ZNF668: variants seen among roughly 807,000 people sequenced by gnomAD.
ZNF668 encodes zinc finger protein 668.
A neutral mutation model predicts 40.3 loss-of-function variants in ZNF668; 10 were observed. The observed-to-expected ratio is 0.25, with a 90% CI of 0.15 to 0.42. The LOEUF is 0.42. ZNF668 is among the 10% of genes least tolerant of loss of function. The pLI is 1.00. For missense variants in ZNF668, 749 were observed against 904.6 expected (o/e 0.83, Z 2.21); for synonymous variants, 428 against 384.6 (o/e 1.11, Z -1.32).
At position 31,060,885 on chromosome 16, in the gene ZNF668, G is replaced by T; in HGVS notation, c.*183C>A. 1 of 636,196 alleles carries T rather than the reference G, an allele frequency of 1.6e-6. No homozygotes were observed. The highest frequency in any genetic ancestry group is 2.4e-6 in the Non-Finnish European group (1 of 422,394). The allele number at this position is 636,196 out of a possible 1,614,324, so 39.4% of individuals were successfully genotyped here. On this transcript the variant is annotated 3_prime_UTR_variant, in exon 3 of 3. Coordinates refer to ENST00000300849, the MANE Select transcript of ZNF668 (RefSeq NM_024706.5). ...AAAGCTTTAATGAGTGTTACTCCTA[G>T]ACAGTCACGTCTCAGCTTCTGCCAG...
intron 1 of ZNF668, 27 bp downstream of exon 1, chr16:31,073,632 T>C (rs1239981248): frequency 6.6e-6 from 1 of 152,156 alleles, no homozygotes; most frequent in African/African-American, 2.4e-5. Context: ...CCCGGGGCCC[T>C]CGCGGCTTCC....
chr16:31,070,999 T>A (rs1051273174), intron 1 of ZNF668, among the ~76,000 whole-genome samples: 18 of 150,320 alleles, frequency 1.2e-4, no homozygotes, highest in Non-Finnish European at 2.1e-4. Flanking sequence ...GTATTTGGGA[T>A]TACAGGTGCC....
intron 2 of ZNF668, among the ~76,000 whole-genome samples, chr16:31,063,009 G>T (rs1451676290): frequency 1.3e-5 from 2 of 152,076 alleles, no homozygotes; most frequent in Non-Finnish European, 2.9e-5. Flanking sequence ...CAGGAGAATC[G>T]CTTGAACCCG....
intron 1 of ZNF668, among the ~76,000 whole-genome samples, chr16:31,071,147 T>C (rs2057013830): frequency 6.6e-6 from 1 of 151,528 alleles, no homozygotes; most frequent in Non-Finnish European, 1.5e-5. Flanking sequence ...TGAGCCACCA[T>C]GCCCGGCCTA....
At chr16:31,070,021 G>A (rs1025329485) in intron 1 of ZNF668, among the ~76,000 whole-genome samples, 2 of 152,140 alleles carry the variant, frequency 1.3e-5, no homozygotes, top group African/African-American at 4.8e-5. Context: ...TGATCCACCT[G>A]CCTCGGCCTC....
intron 1 of ZNF668, among the ~76,000 whole-genome samples, chr16:31,071,235 C>T (rs1218924834): frequency 6.6e-6 from 1 of 151,716 alleles, no homozygotes; most frequent in Non-Finnish European, 1.5e-5. Flanking sequence ...GGCTGCATCT[C>T]AGCTCACTGC....
At chr16:31,071,159 T>C (rs1176839866) in intron 1 of ZNF668, among the ~76,000 whole-genome samples, 3 of 145,934 alleles carry the variant, frequency 2.1e-5, no homozygotes, top group Non-Finnish European at 4.5e-5. Context: ...CCCGGCCTAT[T>C]TATTTCATTT....
Position 31,068,220 on chromosome 16 carries a change from T to TAAAAAAAA in ZNF668, c.-22-3747_-22-3740dup, listed in dbSNP as rs767511878. ...AGGTCTCTGTCTAACATCCCACCAT[T>TAAAAAAAA]AAAAAAAAAAAAAAAAAAAATATAT... On this transcript the variant is annotated intron_variant, in intron 1 of 2. Coordinates refer to ENST00000300849, the MANE Select transcript of ZNF668 (RefSeq NM_024706.5). Among the ~76,000 whole-genome samples, 34 of 9,376 alleles carry TAAAAAAAA rather than the reference T, an allele frequency of 3.6e-3. 7 individuals are homozygous for TAAAAAAAA. Among genetic ancestry groups the TAAAAAAAA allele is most frequent in the East Asian group, 0.013 (4 of 310 alleles). 6.2% of individuals were successfully genotyped at this position (9,376 alleles called of 152,430 possible).
chr16:31,073,090 A>G (rs1220541896), intron 1 of ZNF668: 1 of 131,172 alleles, frequency 7.6e-6, no homozygotes, highest in African/African-American at 2.7e-5. Context: ...CGCTCCTCGC[A>G]ACCGTCTGTA....
chr16:31,072,085 G>C (rs2057019055), intron 1 of ZNF668, among the ~76,000 whole-genome samples: 1 of 152,168 alleles, frequency 6.6e-6, no homozygotes, highest in Non-Finnish European at 1.5e-5. Context: ...TACTAGTCAC[G>C]GTCCCAGCCA....
chr16:31,068,521 C>CTT (rs11311964), intron 1 of ZNF668, among the ~76,000 whole-genome samples: 2 of 140,920 alleles, frequency 1.4e-5, no homozygotes, highest in Admixed American at 7.1e-5. Context: ...CACGCCCAGA[C>CTT]TTTTTTTTTT....
In ZNF668 at chr16:31,061,657, G is replaced by C. The variant is rs770895382; in HGVS notation, c.1271C>G (p.Pro424Arg). ...CAACCCCACCACCAGCTCCTGTGCA[G>C]GGGGCACACCCGCGGCCTCACTGCT... ...HRSSEAAGVP[P>R]AQELVVGLAL... Residue 424 changes from proline to arginine, a missense_variant, in exon 3 of 3, where the codon CCT becomes CGT. Pro to Arg is a moderately radical substitution (Grantham distance 103, BLOSUM62 -2). Transcript: ENST00000300849. This position sits in a 1 kb window ranked among gnomAD's most constrained non-coding sequence, Gnocchi z 7.7. The C allele has an allele frequency of 1.9e-6, 3 of 1,612,926 alleles. No homozygotes were observed. Among genetic ancestry groups the C allele is most frequent in the Non-Finnish European group, 2.5e-6 (3 of 1,179,898 alleles).
At chr16:31,063,781 G>A (rs775485093) in intron 2 of ZNF668, 32 bp downstream of exon 2, 52 of 1,510,290 alleles carry the variant, frequency 3.4e-5, no homozygotes, top group Non-Finnish European at 4.3e-5. Context: ...GCCCTGCCCC[G>A]GAAGGCGCCC....
In ZNF668 at chr16:31,061,388, G is replaced by A. The variant is rs2056922441; in HGVS notation, c.1540C>T (p.Pro514Ser). The A allele has an allele frequency of 4.3e-6, 7 of 1,613,774 alleles. No individual in the cohort carries two copies. Among genetic ancestry groups the A allele is most frequent in the Non-Finnish European group, 5.1e-6 (6 of 1,179,866 alleles). The change falls in exon 3 of 3, where the codon CCC (proline) becomes TCC (serine). Residue 514 changes from proline (P) to serine (S), a missense_variant. By Grantham distance (74) the Pro-to-Ser change is moderately conservative. Coordinates refer to ENST00000300849, the MANE Select transcript of ZNF668 (RefSeq NM_024706.5). The surrounding 1 kb of genome is among the most constrained non-coding windows in gnomAD (Gnocchi z 7.7). ...AGGEEADEKP[P>S]QFVCRECKET... ...TTGCACTCTCGGCACACAAACTGGG[G>A]GGGCTTCTCGTCAGCCTCCTCACCC...
At chr16:31,071,333 A>G (rs542188838) in intron 1 of ZNF668, among the ~76,000 whole-genome samples, 1 of 151,002 alleles carries the variant, frequency 6.6e-6, no homozygotes, top group South Asian at 2.1e-4. Context: ...CACCTGGCAA[A>G]CTTTTGTATT....
chr16:31,069,811 G>A (rs1304781265), intron 1 of ZNF668, among the ~76,000 whole-genome samples: 1 of 104,602 alleles, frequency 9.6e-6, no homozygotes, highest in African/African-American at 3.9e-5. Context: ...GTCTCACTCC[G>A]TCACCCAGGC....
intron 2 of ZNF668, 92 bp downstream of exon 2, chr16:31,063,721 C>CTTTA: frequency 7.3e-7 from 1 of 1,373,440 alleles, no homozygotes; most frequent in Non-Finnish European, 9.6e-7. Context: ...CATTGGCTCA[C>CTTTA]TTTACCCTGA....
intron 1 of ZNF668, among the ~76,000 whole-genome samples, chr16:31,069,770 ATTTTTTTTT>A (rs57798819): frequency 1.2e-5 from 1 of 84,514 alleles, no homozygotes; most frequent in Non-Finnish European, 2.3e-5. Flanking sequence ...ACGCCCGGCT[ATTTTTTTTT>A]TTTTTTTTTT....
intron 2 of ZNF668, 46 bp from the exon 3 acceptor site, chr16:31,062,326 C>T (rs748675003): frequency 7.1e-6 from 11 of 1,543,182 alleles, no homozygotes; most frequent in Admixed American, 3.7e-5. Flanking sequence ...AGACCCATAA[C>T]GTGACCCCAC....
Sources: allele counts gnomAD v4.1 joint callset (sites outside exome capture counted in the v4.1 genomes callset), GRCh38; gene constraint gnomAD v4.1.1; non-coding constraint Gnocchi (gnomAD v3.1); transcripts MANE v1.5; gene names NCBI Gene and HGNC (gene_info 2026-07-23, HGNC 2026-07-21).